The following SORBS2 variants were observed in gnomAD, a reference collection of about 807,000 sequenced individuals.
The protein encoded by SORBS2 is sorbin and SH3 domain containing 2.
Under a neutral mutation model 97.7 loss-of-function variants are expected in SORBS2, and 46 were observed. The observed-to-expected ratio is 0.47, with a 90% CI of 0.37 to 0.60. The LOEUF is 0.60. Among genes scored for constraint, SORBS2 ranks in the 20% least tolerant of loss-of-function variants. SORBS2 has a pLI of 0.00. For missense variants in SORBS2, 1,316 were observed against 1,282.3 expected (o/e 1.03, Z -0.40); for synonymous variants, 476 against 473.4 (o/e 1.01, Z -0.07).
intron 4 of SORBS2, chr4:185,665,895 C>T (rs1261000986): frequency 1.7e-6 from 2 of 1,189,462 alleles, no homozygotes; most frequent in African/African-American, 3.2e-5. Context: ...GGGAGGAGTG[C>T]TCGGCCAGGG....
At chr4:185,690,094 T>C (rs1045539097) in intron 2 of SORBS2, among the ~76,000 whole-genome samples, 6 of 152,362 alleles carry the variant, frequency 3.9e-5, no homozygotes, top group African/African-American at 1.4e-4. Context: ...ATAATGCTTA[T>C]AACACTATGG....
upstream of SORBS2, among the ~76,000 whole-genome samples, chr4:185,660,276 G>C (rs893176316): frequency 1.3e-5 from 2 of 152,194 alleles, no homozygotes; most frequent in Non-Finnish European, 2.9e-5. Context: ...GTCAGGCTTT[G>C]TTAATAATTA....
intron 2 of SORBS2, among the ~76,000 whole-genome samples, chr4:185,729,869 A>G (rs2098600740): frequency 6.6e-6 from 1 of 152,216 alleles, no homozygotes; most frequent in African/African-American, 2.4e-5. Context: ...TTAGATATCA[A>G]TGTTTCGTAT....
intron 12 of SORBS2, among the ~76,000 whole-genome samples, chr4:185,597,202 C>T (rs1580558107): frequency 1.3e-5 from 2 of 152,238 alleles, no homozygotes; most frequent in South Asian, 2.1e-4. Context: ...CTGTTTTGGG[C>T]GTTAAGCACC....
In SORBS2 at chr4:185,752,457, T is replaced by C. The variant is rs753667453; in HGVS notation, c.-198+22770A>G. Among the ~76,000 whole-genome samples, 3 of 152,128 alleles carry C rather than the reference T, an allele frequency of 2.0e-5. No individual in the cohort carries two copies. The East Asian group carries it at 5.8e-4, about 29-fold the overall frequency. ...CACCCAGCTAATTTTTTGTATTTTT[T>C]AGTAGATATGGGGTTTCACCGTGTT... On this transcript the variant is annotated intron_variant, in intron 2 of 20. Transcript: ENST00000284776.
chr4:185,741,332 G>A (rs749487708), intron 2 of SORBS2, among the ~76,000 whole-genome samples: 38 of 150,620 alleles, frequency 2.5e-4, no homozygotes, highest in Non-Finnish European at 5.3e-4. Flanking sequence ...TCCTGCAATT[G>A]CATTAGGAAC....
At chr4:185,907,048 C>A (rs2099251332) in intron 1 of SORBS2, among the ~76,000 whole-genome samples, 1 of 151,600 alleles carries the variant, frequency 6.6e-6, no homozygotes, top group African/African-American at 2.4e-5. Context: ...AGGCAGGAGA[C>A]CAGCTTGAAC....
Position 185,611,866 on chromosome 4 carries a change from T to C in SORBS2, c.2710A>G (p.Asn904Asp), listed in dbSNP as rs752485581. The C allele has an allele frequency of 1.9e-6, 3 of 1,613,100 alleles. No homozygotes were observed. The South Asian group carries it at 3.3e-5, about 18-fold the overall frequency. Residue 904 changes from asparagine (N) to aspartate (D), a missense_variant, in exon 12 of 15, where the codon AAC becomes GAC. By Grantham distance (23) the Asn-to-Asp change is conservative. Coordinates refer to ENST00000418609, the Ensembl canonical transcript of SORBS2. ...GGGTAGTCCTCAGCACCTTTTGTGT[T>C]CTTCTTGACGACCTCCACATAGGAA... is the stretch of plus-strand genomic sequence containing the variant.
At chr4:185,814,293 A>T (rs1316258179) in intron 1 of SORBS2, among the ~76,000 whole-genome samples, 1 of 151,584 alleles carries the variant, frequency 6.6e-6, no homozygotes, top group African/African-American at 2.4e-5. Flanking sequence ...GCACTTTGGG[A>T]GGCTGAGGCA....
chr4:185,620,119 A>G, exon 8 of SORBS2: 1 of 1,612,300 alleles, frequency 6.2e-7, no homozygotes, highest in Non-Finnish European at 8.5e-7. Context: ...ATGTCAGTCA[A>G]AGTGGATGAG....
At chr4:185,915,949 G>A (rs2149899386) in intron 1 of SORBS2, among the ~76,000 whole-genome samples, 1 of 152,346 alleles carries the variant, frequency 6.6e-6, no homozygotes, top group South Asian at 2.1e-4. Flanking sequence ...GACATAAGGA[G>A]GCTGGAGGAA....
In SORBS2 at chr4:185,869,609, C is replaced by A. The variant is rs144019060; in HGVS notation, c.-338+86587G>T. Among the ~76,000 whole-genome samples the A allele has an allele frequency of 3.2e-3, 490 of 152,352 alleles. 1 individual carries two copies. Among genetic ancestry groups the A allele is most frequent in the Non-Finnish European group, 5.4e-3 (364 of 68,036 alleles). On this transcript the variant is annotated intron_variant, in intron 1 of 20. Transcript: ENST00000284776. Reference sequence around the variant, plus strand: ...CTTGAAGCCTCACTCATTCACCAAGCTGGCTGAAACAGATGCTGGAAAATG... The same window carrying A: ...CTTGAAGCCTCACTCATTCACCAAGATGGCTGAAACAGATGCTGGAAAATG...
chr4:185,747,709 T>C (rs561925722), intron 2 of SORBS2, among the ~76,000 whole-genome samples: 6 of 152,190 alleles, frequency 3.9e-5, no homozygotes, highest in East Asian at 1.9e-4. Flanking sequence ...CTGTGAAAAA[T>C]TGGCCTTTGC....
chr4:185,905,991 T>C (rs2099250580), intron 1 of SORBS2, among the ~76,000 whole-genome samples: 1 of 152,158 alleles, frequency 6.6e-6, no homozygotes, highest in Non-Finnish European at 1.5e-5. Flanking sequence ...ATCCAAACTA[T>C]TTTAGGGCAG....
rs58831094 is a variant in SORBS2 at position 185,596,530 on chromosome 4, CTTTT to C, written c.2797-2599_2797-2596del. Among the ~76,000 whole-genome samples the C allele has an allele frequency of 4.1e-4, 32 of 77,430 alleles. 1 individual carries two copies. In the East Asian group the frequency reaches 0.013, roughly 32 times the overall value. The allele number at this position is 77,430 out of a possible 152,430, so 50.8% of individuals were successfully genotyped here. A position where few individuals can be genotyped will look rare whatever the true frequency, so the allele number is the denominator to read the frequency against. On this transcript the variant is annotated intron_variant, in intron 12 of 14. Coordinates refer to ENST00000418609, the Ensembl canonical transcript of SORBS2. ...TGTGGGGCAGCCAGCACCGTCCTTG[CTTTT>C]TTTTTTTTTTTTTTTTTTTGAGATG...
chr4:185,606,394 C>A lies in SORBS2; in HGVS notation c.2796+5386G>T, dbSNP rs1056775772. 3.1e-6 allele frequency: 3 copies of A among 962,672 alleles called. No individual in the cohort carries two copies. The highest frequency in any genetic ancestry group is 1.2e-4 in the Admixed American group (2 of 16,240). 59.6% of individuals were successfully genotyped at this position (962,672 alleles called of 1,614,324 possible). On this transcript the variant is annotated intron_variant, in intron 12 of 14. Transcript: ENST00000418609. The surrounding 1 kb of genome is among the most constrained non-coding windows in gnomAD (Gnocchi z 4.3). ...AAAATGGGATAATGGAATTATATCA[C>A]ATATTTACATCATTTAATTAAATAT...
intron 2 of SORBS2, among the ~76,000 whole-genome samples, chr4:185,767,499 CAA>C (rs70962594): frequency 3.1e-4 from 19 of 60,688 alleles, no homozygotes; most frequent in East Asian, 3.6e-4. Flanking sequence ...GACTCTGTCT[CAA>C]AAAAAAAAAA....
intron 12 of SORBS2, among the ~76,000 whole-genome samples, chr4:185,595,572 TG>T (rs2096064903): frequency 6.6e-6 from 1 of 152,186 alleles, no homozygotes; most frequent in Non-Finnish European, 1.5e-5. Context: ...AAAACTTTCA[TG>T]CAGAAGTAAG....
intron 2 of SORBS2, among the ~76,000 whole-genome samples, chr4:185,739,626 G>C (rs984183089): frequency 3.9e-5 from 6 of 152,094 alleles, no homozygotes; most frequent in African/African-American, 1.4e-4. Flanking sequence ...CTTTAGAAAT[G>C]GTTCCCTCTA....
Sources: allele counts gnomAD v4.1 joint callset (sites outside exome capture counted in the v4.1 genomes callset), GRCh38; gene constraint gnomAD v4.1.1; non-coding constraint Gnocchi (gnomAD v3.1); transcripts MANE v1.5; gene names NCBI Gene and HGNC (gene_info 2026-07-23, HGNC 2026-07-21).